PLXNA2: variants seen among roughly 807,000 people sequenced by gnomAD.
PLXNA2 encodes plexin-A2.
In PLXNA2, 91 loss-of-function variants were observed where a neutral mutation model predicts 193.5. That is an observed-to-expected ratio of 0.47 (90% CI 0.40 to 0.56). PLXNA2 has a LOEUF of 0.56. Ranked by LOEUF, PLXNA2 falls within the 20% of genes least tolerant of loss-of-function variation. The pLI, the probability that PLXNA2 is intolerant of heterozygous loss-of-function variation, is 0.00. For missense variants in PLXNA2, 1,995 were observed against 2,503.2 expected (o/e 0.80, Z 4.33); for synonymous variants, 997 against 1,027.3 (o/e 0.97, Z 0.56).
chr1:208,049,873 C>G lies in PLXNA2; in HGVS notation c.3255+1136G>C, dbSNP rs1665199571. On this transcript the variant is annotated intron_variant, in intron 17 of 31. Transcript: ENST00000367033. ...AGACATAACACCATCTTCTCCATCT[C>G]CATCTTAGTCTAGTCAAGCCCCTGA... Among the ~76,000 whole-genome samples, 3 of 152,162 alleles carry G rather than the reference C, an allele frequency of 2.0e-5. No homozygotes were observed. In the South Asian group the frequency reaches 6.2e-4, roughly 32 times the overall value.
Position 208,096,166 on chromosome 1 carries a change from G to A in PLXNA2, c.1886-41C>T, listed in dbSNP as rs376698115. On this transcript the variant is annotated intron_variant, in intron 7 of 31. Transcript: ENST00000367033. Reference sequence around the variant, plus strand: ...AAAAAGGATGGGGTTGGGTAACAACGTGGGGGACCCAGTGGACAGCCACAA... The same window carrying A: ...AAAAAGGATGGGGTTGGGTAACAACATGGGGGACCCAGTGGACAGCCACAA... 29 of 1,471,820 alleles carry A rather than the reference G, an allele frequency of 2.0e-5. 1 individual carries two copies. The highest frequency in any genetic ancestry group is 2.4e-5 in the Non-Finnish European group (25 of 1,051,444). The allele number at this position is 1,471,820 out of a possible 1,614,324, so 91.2% of individuals were successfully genotyped here. A position where few individuals can be genotyped will look rare whatever the true frequency, so the allele number is the denominator to read the frequency against.
chr1:208,054,580 G>T (rs1289431567), intron 13 of PLXNA2, 42 bp from the exon 14 acceptor site: 3 of 1,342,014 alleles, frequency 2.2e-6, no homozygotes, highest in Admixed American at 1.7e-5. Flanking sequence ...CTGGGCAAGG[G>T]CTGGCATCGC....
At chr1:208,125,854 G>A (rs10863698) in intron 4 of PLXNA2, among the ~76,000 whole-genome samples, 80,574 of 152,022 alleles carry the variant, frequency 0.53, 21,846 homozygotes, top group African/African-American at 0.57. Flanking sequence ...GACACCACAT[G>A]GATAGATCCG....
At chr1:208,054,822 C>T (rs1665373979) in intron 13 of PLXNA2, among the ~76,000 whole-genome samples, 1 of 152,208 alleles carries the variant, frequency 6.6e-6, no homozygotes, top group Non-Finnish European at 1.5e-5. Context: ...TCTGTGGTTC[C>T]CCATGCCTAG....
intron 4 of PLXNA2, among the ~76,000 whole-genome samples, chr1:208,118,037 A>G (rs1358803988): frequency 6.6e-6 from 1 of 152,214 alleles, no homozygotes. Context: ...TTGAAGAGAC[A>G]GTAGGAGACA....
chr1:208,068,873 C>T lies in PLXNA2; in HGVS notation c.2587-8036G>A, dbSNP rs373323877. Among the ~76,000 whole-genome samples, 14 of 152,322 alleles carry T rather than the reference C, an allele frequency of 9.2e-5. No individual in the cohort carries two copies. The East Asian group carries it at 2.3e-3, about 25-fold the overall frequency. On this transcript the variant is annotated intron_variant, in intron 12 of 31. Transcript: ENST00000367033. Reference sequence around the variant, plus strand: ...CAGCAAGTACGGAAAGCTGTATTTGCGTCTTAATGGGACTTTTAAGTTGTG... The same window carrying T: ...CAGCAAGTACGGAAAGCTGTATTTGTGTCTTAATGGGACTTTTAAGTTGTG...
chr1:208,110,985 C>T (rs1047114072), intron 4 of PLXNA2, among the ~76,000 whole-genome samples: 1 of 152,148 alleles, frequency 6.6e-6, no homozygotes, highest in African/African-American at 2.4e-5. Flanking sequence ...GAATCAGGAG[C>T]CAGACAGCAA....
chr1:208,031,816 G>A (rs1664514214), intron 28 of PLXNA2, 57 bp from the exon 29 acceptor site: 1 of 1,424,288 alleles, frequency 7.0e-7, no homozygotes, highest in Admixed American at 1.8e-5. Context: ...GTAGCAGACA[G>A]GCATACCAGA....
intron 5 of PLXNA2, 110 bp from the exon 6 acceptor site, chr1:208,099,079 C>A (rs954942562): frequency 6.6e-6 from 9 of 1,371,506 alleles, no homozygotes; most frequent in African/African-American, 1.4e-5. Flanking sequence ...TGTGTCCTGT[C>A]TTCTCAAGAA....
chr1:208,242,326 T>G (rs1319299534), intron 1 of PLXNA2, among the ~76,000 whole-genome samples: 2 of 152,104 alleles, frequency 1.3e-5, no homozygotes, highest in African/African-American at 4.8e-5. Context: ...TCTCAAAGCC[T>G]CCAGCCCAGG....
Position 208,038,852 on chromosome 1 carries a change from G to T in PLXNA2, c.4633C>A (p.Arg1545=). The T allele has an allele frequency of 6.2e-7, 1 of 1,613,960 alleles. No individual in the cohort carries two copies. Among genetic ancestry groups the T allele is most frequent in the East Asian group, 2.2e-5 (1 of 44,850 alleles). The stretch of plus-strand genomic sequence containing the variant: ...AAGTCCATGTCCACTGCCCTCGGCC[G>T]CTGGGAATAGGGCACATTCTTATAC... ...AVYKNVPYSQ[R]PRAVDMDLEW... The change falls in exon 25 of 32, where the codon CGG becomes AGG. Residue 1545 remains arginine, a synonymous_variant. Transcript: ENST00000367033. This position sits in a 1 kb window ranked among gnomAD's most constrained non-coding sequence, Gnocchi z 4.1.
chr1:208,226,630 C>G (rs1042913845), intron 1 of PLXNA2, among the ~76,000 whole-genome samples: 19 of 152,318 alleles, frequency 1.2e-4, no homozygotes, highest in African/African-American at 4.6e-4. Context: ...ACCGCCTGAC[C>G]CTGCAGACCT....
Position 208,042,405 on chromosome 1 carries a change from C to CA in PLXNA2, c.4018-40dup, listed in dbSNP as rs1056636276. On this transcript the variant is annotated intron_variant, in intron 21 of 31. Coordinates refer to ENST00000367033, the MANE Select transcript of PLXNA2 (RefSeq NM_025179.4). ...TGGTGGAGGCGACGCCCTCAGAGGACAGGCATCGGGCCTCCTACCTGAGGG... is the reference window on the plus strand; with the variant it reads ...TGGTGGAGGCGACGCCCTCAGAGGACAAGGCATCGGGCCTCCTACCTGAGGG... 3.8e-6 allele frequency: 6 copies of CA among 1,595,762 alleles called. No individual in the cohort carries two copies. In the Admixed American group the frequency reaches 5.1e-5, roughly 13 times the overall value.
At chr1:208,150,614 T>C (rs1475989124) in intron 3 of PLXNA2, among the ~76,000 whole-genome samples, 3 of 152,180 alleles carry the variant, frequency 2.0e-5, no homozygotes, top group Admixed American at 2.0e-4. Flanking sequence ...GGTGAGGATC[T>C]CCGGAGACCA....
intron 1 of PLXNA2, among the ~76,000 whole-genome samples, chr1:208,234,463 G>A (rs1248027514): frequency 2.0e-5 from 3 of 152,308 alleles, no homozygotes; most frequent in Middle Eastern, 3.4e-3. Context: ...GCCCCATCCC[G>A]CACTCTGCAT....
In PLXNA2 at chr1:208,052,314, A is replaced by G. The variant is rs1408768023; in HGVS notation, c.2993+13T>C. The G allele has an allele frequency of 6.2e-7, 1 of 1,611,568 alleles. No homozygotes were observed. The highest frequency in any genetic ancestry group is 8.5e-7 in the Non-Finnish European group (1 of 1,179,836). The stretch of plus-strand genomic sequence containing the variant: ...ATGTGCAGTCTTCTGGTGGCCCTTC[A>G]AGTTTATCTCACCCGTAGAACTCGC... On this transcript the variant is annotated intron_variant, in intron 15 of 31. Transcript: ENST00000367033.
chr1:208,039,535 C>G, intron 24 of PLXNA2, 86 bp downstream of exon 24: 1 of 1,566,392 alleles, frequency 6.4e-7, no homozygotes, highest in South Asian at 1.2e-5. Flanking sequence ...TTATTGACCC[C>G]CTAGACTGCT....
chr1:208,133,344 C>T (rs1668215831), intron 4 of PLXNA2, among the ~76,000 whole-genome samples: 1 of 152,180 alleles, frequency 6.6e-6, no homozygotes, highest in African/African-American at 2.4e-5. Context: ...AATTTGACCA[C>T]CTTGAGGGCA....
intron 4 of PLXNA2, among the ~76,000 whole-genome samples, chr1:208,116,741 C>T (rs940996941): frequency 2.6e-5 from 4 of 152,170 alleles, no homozygotes; most frequent in African/African-American, 9.7e-5. Flanking sequence ...TCCACGAAGG[C>T]ACCATGATAC....
Sources: allele counts gnomAD v4.1 joint callset (sites outside exome capture counted in the v4.1 genomes callset), GRCh38; gene constraint gnomAD v4.1.1; non-coding constraint Gnocchi (gnomAD v3.1); transcripts MANE v1.5; gene names NCBI Gene and HGNC (gene_info 2026-07-23, HGNC 2026-07-21).